EIF4E1B: variants seen among roughly 807,000 people sequenced by gnomAD.
EIF4E1B encodes the protein eukaryotic translation initiation factor 4E type 1B.
Under a neutral mutation model 31.3 loss-of-function variants are expected in EIF4E1B, and 22 were observed. The ratio of observed to expected loss-of-function variants is 0.70; its 90% CI spans 0.50 to 1.00. EIF4E1B has a LOEUF of 1.00. Among genes scored for constraint, EIF4E1B ranks in the 50% least tolerant of loss-of-function variants. EIF4E1B has a pLI of 0.00. For synonymous variants in EIF4E1B, 126 were observed against 120.2 expected, an observed-to-expected ratio of 1.05 and a Z score of -0.31; for missense variants, 290 against 311.6, an observed-to-expected ratio of 0.93 and a Z score of 0.52.
Position 176,646,190 on chromosome 5 carries a change from T to G in EIF4E1B, c.*210T>G. Reference sequence around the variant, plus strand: ...GGCAGTCTGAGGACCTAGCTTGTCCTGGGGCCACAGGACAGCAGCAGGGTG... The same window carrying G: ...GGCAGTCTGAGGACCTAGCTTGTCCGGGGGCCACAGGACAGCAGCAGGGTG... On this transcript the variant is annotated 3_prime_UTR_variant, in exon 9 of 9. Transcript: ENST00000318682. 5.9e-6 allele frequency: 3 copies of G among 511,086 alleles called. No homozygotes were observed. Among genetic ancestry groups the G allele is most frequent in the Non-Finnish European group, 7.1e-6 (2 of 280,850 alleles). The allele number at this position is 511,086 out of a possible 1,614,324, so 31.7% of individuals were successfully genotyped here.
At chr5:176,631,953 A>G (rs372093604) in intron 1 of EIF4E1B, among the ~76,000 whole-genome samples, 7 of 152,340 alleles carry the variant, frequency 4.6e-5, no homozygotes, top group African/African-American at 1.7e-4. Context: ...ACTGTGGCAC[A>G]TCCACCCAGT....
intron 1 of EIF4E1B, among the ~76,000 whole-genome samples, chr5:176,631,912 A>G (rs1234244753): frequency 2.0e-5 from 3 of 152,170 alleles, no homozygotes; most frequent in Non-Finnish European, 4.4e-5. Context: ...AAAATGATCT[A>G]AATGATCATC....
At position 176,645,503 on chromosome 5, in the gene EIF4E1B, G is replaced by C; in HGVS notation, c.601G>C (p.Val201Leu). The change falls in exon 8 of 9, where the codon GTG (valine) becomes CTG (leucine). Residue 201 changes from valine to leucine, a missense_variant. Transcript: ENST00000318682. This position sits in a 1 kb window ranked among gnomAD's most constrained non-coding sequence, Gnocchi z 5.4. ...WTREAENQAG[V>L]LHVGRVYKER... ...GAGGGAGGCGGAAAACCAGGCGGGC[G>C]TGCTGCACGTTGGGTGAGGAGGGTC... 2 of 1,517,292 alleles carry C rather than the reference G, an allele frequency of 1.3e-6. No individual in the cohort carries two copies. Among genetic ancestry groups the C allele is most frequent in the Non-Finnish European group, 8.8e-7 (1 of 1,135,056 alleles). The allele number at this position is 1,517,292 out of a possible 1,614,324, so 94.0% of individuals were successfully genotyped here. A position where few individuals can be genotyped will look rare whatever the true frequency, so the allele number is the denominator to read the frequency against.
intron 6 of EIF4E1B, 139 bp from the exon 7 acceptor site, chr5:176,644,991 C>CT: frequency 1.4e-6 from 1 of 727,992 alleles, no homozygotes; most frequent in Non-Finnish European, 2.3e-6. Flanking sequence ...GTGGAACCTG[C>CT]TTGCACTGAG....
At position 176,643,228 on chromosome 5, in the gene EIF4E1B, C is replaced by A. The variant is rs1048302519; in HGVS notation, c.162C>A (p.Pro54=). Residue 54 remains proline (P), a synonymous_variant, in exon 4 of 9, where the codon CCC becomes CCA. Transcript: ENST00000318682. ...SLRGKARTGG[P]MEVKLELHPL... ...GAGGGAAGGCCCGGACGGGGGGCCC[C>A]ATGGAAGTCAAGCTGGAGCTGCACC... 6.2e-7 allele frequency: 1 copy of A among 1,612,866 alleles called. No individual in the cohort carries two copies. Among genetic ancestry groups the A allele is most frequent in the Non-Finnish European group, 8.5e-7 (1 of 1,179,864 alleles).
intron 2 of EIF4E1B, 92 bp from the exon 3 acceptor site, chr5:176,642,618 G>A (rs1479910351): frequency 2.7e-6 from 3 of 1,099,766 alleles, no homozygotes; most frequent in East Asian, 2.7e-5. Flanking sequence ...CATCGGCAGG[G>A]CCGTCCACCT....
Position 176,645,758 on chromosome 5 carries a change from G to A in EIF4E1B, c.615-108G>A, listed in dbSNP as rs965769210. On this transcript the variant is annotated intron_variant, in intron 8 of 8. Transcript: ENST00000318682. This position sits in a 1 kb window ranked among gnomAD's most constrained non-coding sequence, Gnocchi z 5.4. ...TTTCCACATGGGTAAGACACAACAG[G>A]TGTGGCTGTGGCCAGAATGAGGGTA... 5.2e-6 allele frequency: 6 copies of A among 1,144,554 alleles called. No homozygotes were observed. The highest frequency in any genetic ancestry group is 3.1e-5 in the African/African-American group (2 of 63,686). 70.9% of individuals were successfully genotyped at this position (1,144,554 alleles called of 1,614,324 possible).
At chr5:176,644,568 T>C in intron 6 of EIF4E1B, 129 bp downstream of exon 6, 9 of 1,070,370 alleles carry the variant, frequency 8.4e-6, no homozygotes, top group Non-Finnish European at 1.1e-5. Flanking sequence ...AGAGTTGTGG[T>C]TTCTGACTGG....
Position 176,645,724 on chromosome 5 carries a change from T to C in EIF4E1B, c.615-142T>C, listed in dbSNP as rs1760688132. 1.8e-6 allele frequency: 2 copies of C among 1,082,954 alleles called. No individual in the cohort carries two copies. Among genetic ancestry groups the C allele is most frequent in the South Asian group, 3.6e-5 (2 of 55,176 alleles). The allele number at this position is 1,082,954 out of a possible 1,614,324, so 67.1% of individuals were successfully genotyped here. On this transcript the variant is annotated intron_variant, in intron 8 of 8. Transcript: ENST00000318682. This position sits in a 1 kb window ranked among gnomAD's most constrained non-coding sequence, Gnocchi z 5.4. The stretch of plus-strand genomic sequence containing the variant: ...CTCTCCTTTTGCATTAAGGGGGTCA[T>C]ATTTTGGGTTTCCACATGGGTAAGA...
At chr5:176,643,883 C>A in intron 5 of EIF4E1B, 149 bp downstream of exon 5, 1 of 714,938 alleles carries the variant, frequency 1.4e-6, no homozygotes, top group South Asian at 1.9e-5. Flanking sequence ...TAGGGCACAA[C>A]CACCCCCCAC....
rs549004406 is a variant in EIF4E1B, at chr5:176,635,086, G to A, written c.-202+4022G>A. On this transcript the variant is annotated intron_variant, in intron 1 of 8. Transcript: ENST00000318682. ...GCCATAGGGCTGAGTGTGATCGTCC[G>A]GGGGTGCACGGAGAGTGAAAAGAAG... 1.4e-4 allele frequency among the ~76,000 whole-genome samples: 22 copies of A among 152,156 alleles called. No individual in the cohort carries two copies. In the East Asian group the frequency reaches 2.1e-3, roughly 15 times the overall value.
chr5:176,642,611 C>A, intron 2 of EIF4E1B, 99 bp from the exon 3 acceptor site: 5 of 1,011,776 alleles, frequency 4.9e-6, no homozygotes, highest in Non-Finnish European at 7.1e-6. Flanking sequence ...CTTCTGCCAT[C>A]GGCAGGGCCG....
rs1186194856 is a variant in EIF4E1B at position 176,643,150 on chromosome 5, G to C, written c.84G>C (p.Arg28Ser). ...EEEKEEEAAE[R>S]TPTGEKSPNS... Reference sequence around the variant, plus strand: ...AGAAGGAGGAGGAGGCAGCAGAGAGGACGCCCACAGGAGAAAAGTCTCCAA... The same window carrying C: ...AGAAGGAGGAGGAGGCAGCAGAGAGCACGCCCACAGGAGAAAAGTCTCCAA... Residue 28 changes from arginine to serine, a missense_variant, in exon 4 of 9, where the codon AGG becomes AGC. Physicochemically the swap from Arg to Ser is moderately radical, Grantham distance 110. Coordinates refer to ENST00000318682, the MANE Select transcript of EIF4E1B (RefSeq NM_001099408.2). 6.2e-7 allele frequency: 1 copy of C among 1,613,912 alleles called. No homozygotes were observed. The highest frequency in any genetic ancestry group is 1.1e-5 in the South Asian group (1 of 91,086).
At chr5:176,632,730 G>T (rs1377021383) in intron 1 of EIF4E1B, among the ~76,000 whole-genome samples, 2 of 152,156 alleles carry the variant, frequency 1.3e-5, no homozygotes, top group African/African-American at 4.8e-5. Flanking sequence ...TAGCATGGAG[G>T]GTACCTGCAG....
In EIF4E1B at chr5:176,645,116, C is replaced by T. The variant is rs775516871; in HGVS notation, c.361-14C>T. The T allele has an allele frequency of 2.3e-5, 35 of 1,551,922 alleles. No homozygotes were observed. The South Asian group carries it at 3.3e-4, about 15-fold the overall frequency. ...GAACACAGGGAGGCAGTTGACTTGCCATCTGCCTTGCAGGATGGCATCCAG... is the reference window on the plus strand; with the variant it reads ...GAACACAGGGAGGCAGTTGACTTGCTATCTGCCTTGCAGGATGGCATCCAG... On this transcript the variant is annotated splice_polypyrimidine_tract_variant and intron_variant, in intron 6 of 8. Transcript: ENST00000318682. This position sits in a 1 kb window ranked among gnomAD's most constrained non-coding sequence, Gnocchi z 5.4.
intron 2 of EIF4E1B, 129 bp from the exon 3 acceptor site, chr5:176,642,581 C>A: frequency 2.8e-6 from 2 of 711,662 alleles, no homozygotes; most frequent in Non-Finnish European, 4.5e-6. Flanking sequence ...GAAGGCCCCA[C>A]GGCCATGTCA....
intron 1 of EIF4E1B, among the ~76,000 whole-genome samples, chr5:176,637,380 AGT>A (rs1198392244): frequency 1.3e-5 from 2 of 152,210 alleles, no homozygotes; most frequent in Non-Finnish European, 2.9e-5. Flanking sequence ...CAGAGGTTAC[AGT>A]GGGCTGAGAT....
In EIF4E1B at chr5:176,633,216, TG is replaced by T. The variant is rs1321246490; in HGVS notation, c.-202+2153del. Reference sequence around the variant, plus strand: ...TATTTGAGCTGTCCAGTGTTTTTTTTGTTTGTTTGTTTGTTTGTTTGTTTGT... The same window carrying T: ...TATTTGAGCTGTCCAGTGTTTTTTTTTTTGTTTGTTTGTTTGTTTGTTTGT... On this transcript the variant is annotated intron_variant, in intron 1 of 8. Transcript: ENST00000318682. Among the ~76,000 whole-genome samples, 615 of 84,324 alleles carry T rather than the reference TG, an allele frequency of 7.3e-3. 1 individual carries two copies. The highest frequency in any genetic ancestry group is 0.022 in the African/African-American group (510 of 23,534). The allele number at this position is 84,324 out of a possible 152,430, so 55.3% of individuals were successfully genotyped here. A position where few individuals can be genotyped will look rare whatever the true frequency, so the allele number is the denominator to read the frequency against.
chr5:176,633,208 GTT>G (rs544990650), intron 1 of EIF4E1B, among the ~76,000 whole-genome samples: 3 of 143,152 alleles, frequency 2.1e-5, no homozygotes, highest in Non-Finnish European at 4.6e-5. Flanking sequence ...GCTGTCCAGT[GTT>G]TTTTTTGTTT....
Sources: allele counts gnomAD v4.1 joint callset (sites outside exome capture counted in the v4.1 genomes callset), GRCh38; gene constraint gnomAD v4.1.1; non-coding constraint Gnocchi (gnomAD v3.1); transcripts MANE v1.5; gene names NCBI Gene and HGNC (gene_info 2026-07-23, HGNC 2026-07-21).